Variants in GRAMD2B observed in about 807,000 individuals in gnomAD.
The protein encoded by GRAMD2B is GRAM domain containing 2B.
In GRAMD2B, 41 loss-of-function variants were observed where a neutral mutation model predicts 59.2. The observed-to-expected ratio is 0.69, with a 90% CI of 0.54 to 0.90. The LOEUF (loss-of-function observed/expected upper bound fraction) is 0.90. GRAMD2B is among the 40% of genes least tolerant of loss of function. GRAMD2B has a pLI of 0.00. For synonymous variants in GRAMD2B, 161 were observed against 182.7 expected, an observed-to-expected ratio of 0.88 and a Z score of 0.96; for missense variants, 424 against 500.5, an observed-to-expected ratio of 0.85 and a Z score of 1.46.
chr5:126,458,701 C>G (rs566636566), intron 1 of GRAMD2B: 3 of 152,298 alleles, frequency 2.0e-5, no homozygotes, highest in Non-Finnish European at 4.4e-5. Context: ...GCAATGACCC[C>G]TCTGATGCTT....
At chr5:126,382,640 T>C (rs1234294219) in intron 1 of GRAMD2B, among the ~76,000 whole-genome samples, 1 of 152,236 alleles carries the variant, frequency 6.6e-6, no homozygotes, top group African/African-American at 2.4e-5. Flanking sequence ...TACCTTTCTC[T>C]GGAGGCTCCT....
At chr5:126,380,802 T>C (rs1755595301) in intron 1 of GRAMD2B, among the ~76,000 whole-genome samples, 1 of 152,174 alleles carries the variant, frequency 6.6e-6, no homozygotes, top group Non-Finnish European at 1.5e-5. Flanking sequence ...GCTTTTTGGA[T>C]GAGTTTTTAG....
At chr5:126,362,537 C>A (rs576750895) in intron 1 of GRAMD2B, among the ~76,000 whole-genome samples, 2 of 152,092 alleles carry the variant, frequency 1.3e-5, no homozygotes, top group East Asian at 3.9e-4. Flanking sequence ...AGGAAAAGTA[C>A]CAAAAGTCCT....
At chr5:126,472,046 G>T (rs750895171) in intron 3 of GRAMD2B, among the ~76,000 whole-genome samples, 192 bp from the exon 4 acceptor site, 2 of 152,346 alleles carry the variant, frequency 1.3e-5, no homozygotes, top group South Asian at 2.1e-4. Flanking sequence ...CATTAAACTT[G>T]TTAGAAAATG....
At chr5:126,447,144 T>C (rs1287466218) in intron 1 of GRAMD2B, among the ~76,000 whole-genome samples, 3 of 152,182 alleles carry the variant, frequency 2.0e-5, no homozygotes, top group African/African-American at 4.8e-5. Flanking sequence ...AATCTTTGTC[T>C]GAAGGAATTG....
chr5:126,460,405 A>G (rs149981077), intron 1 of GRAMD2B, among the ~76,000 whole-genome samples: 1 of 152,316 alleles, frequency 6.6e-6, no homozygotes, highest in African/African-American at 2.4e-5. Flanking sequence ...TAGTTGTCCA[A>G]ACAAAAATAT....
intron 1 of GRAMD2B, among the ~76,000 whole-genome samples, chr5:126,394,159 C>T (rs1195600398): frequency 6.6e-6 from 1 of 151,584 alleles, no homozygotes; most frequent in Admixed American, 6.6e-5. Flanking sequence ...CCTGTAGTCC[C>T]AGCTACTCGG....
intron 1 of GRAMD2B, among the ~76,000 whole-genome samples, chr5:126,363,796 G>A (rs1580661306): frequency 6.6e-6 from 1 of 152,166 alleles, no homozygotes; most frequent in Non-Finnish European, 1.5e-5. Context: ...TAGGTTAGTG[G>A]TTGCTTAGGG....
At chr5:126,466,922 C>T (rs546016176) in intron 2 of GRAMD2B, among the ~76,000 whole-genome samples, 16 of 152,286 alleles carry the variant, frequency 1.1e-4, no homozygotes, top group Middle Eastern at 3.4e-3. Context: ...CATGGGCATG[C>T]GGTTCCTGCA....
chr5:126,412,290 C>T (rs112138506), intron 1 of GRAMD2B, among the ~76,000 whole-genome samples: 129 of 152,098 alleles, frequency 8.5e-4, no homozygotes, highest in South Asian at 3.3e-3. Flanking sequence ...TCCTTTGATG[C>T]CTAGTTTCTT....
intron 1 of GRAMD2B, among the ~76,000 whole-genome samples, chr5:126,406,479 A>C (rs1279765903): frequency 6.6e-6 from 1 of 151,986 alleles, no homozygotes. Context: ...ACCTAGATCA[A>C]TATGCAGAAT....
At chr5:126,417,728 C>T (rs1437065427) in intron 1 of GRAMD2B, among the ~76,000 whole-genome samples, 3 of 152,218 alleles carry the variant, frequency 2.0e-5, no homozygotes, top group Non-Finnish European at 2.9e-5. Context: ...ATTTCTTTCC[C>T]CACAAACATT....
chr5:126,399,878 T>C (rs1447951089), intron 1 of GRAMD2B, among the ~76,000 whole-genome samples: 2 of 152,158 alleles, frequency 1.3e-5, no homozygotes, highest in Non-Finnish European at 2.9e-5. Context: ...AAAGTGAATC[T>C]CTTGTAGACA....
intron 1 of GRAMD2B, among the ~76,000 whole-genome samples, chr5:126,416,909 C>T (rs771191941): frequency 1.1e-4 from 16 of 152,222 alleles, no homozygotes; most frequent in South Asian, 6.2e-4. Context: ...ATCTCTTACT[C>T]ATTGAAACTG....
In GRAMD2B at chr5:126,423,590, C is replaced by T. The variant is rs755953331; in HGVS notation, c.-17C>T. The T allele has an allele frequency of 6.2e-7, 1 of 1,609,392 alleles. No individual in the cohort carries two copies. The highest frequency in any genetic ancestry group is 8.5e-7 in the Non-Finnish European group (1 of 1,178,224). ...AGGCGCGCGGAAGTCTGAAGGTGCC[C>T]TCCAGACACGGCCCCGATGACTGAA... is the stretch of plus-strand genomic sequence containing the variant. On this transcript the variant is annotated 5_prime_UTR_variant, in exon 1 of 14. Transcript: ENST00000285689.
intron 1 of GRAMD2B, among the ~76,000 whole-genome samples, chr5:126,391,188 A>G (rs1008823012): frequency 1.3e-5 from 2 of 152,016 alleles, no homozygotes; most frequent in Admixed American, 6.6e-5. Flanking sequence ...TAAAAATACA[A>G]AAATGAGCCA....
At chr5:126,465,067 G>A (rs115366067) in intron 1 of GRAMD2B, 7 of 1,048,456 alleles carry the variant, frequency 6.7e-6, no homozygotes, top group South Asian at 4.0e-5. Flanking sequence ...GAGGCCACAC[G>A]TGAGCGTGTG....
chr5:126,438,232 C>T (rs1371401512), intron 1 of GRAMD2B, among the ~76,000 whole-genome samples: 3 of 152,054 alleles, frequency 2.0e-5, no homozygotes, highest in South Asian at 2.1e-4. Context: ...AATGGAGGAG[C>T]GAAGTCAATG....
intron 12 of GRAMD2B, among the ~76,000 whole-genome samples, chr5:126,487,903 A>G (rs761246648): frequency 2.6e-5 from 4 of 152,176 alleles, no homozygotes; most frequent in Non-Finnish European, 5.9e-5. Context: ...AATTATCTAG[A>G]ATTGTTTAAA....
Sources: allele counts gnomAD v4.1 joint callset (sites outside exome capture counted in the v4.1 genomes callset), GRCh38; gene constraint gnomAD v4.1.1; transcripts MANE v1.5; gene names NCBI Gene and HGNC (gene_info 2026-07-23, HGNC 2026-07-21).